The following CRYL1 variants were observed in gnomAD, a reference collection of about 807,000 sequenced individuals.
CRYL1 encodes the protein lambda-crystallin homolog.
Under a neutral mutation model 36.6 loss-of-function variants are expected in CRYL1, and 29 were observed. The ratio of observed to expected loss-of-function variants is 0.79; its 90% CI spans 0.59 to 1.08. The LOEUF (loss-of-function observed/expected upper bound fraction) is 1.08, where lower values mean the gene tolerates loss of function less well. CRYL1 is among the 50% of genes least tolerant of loss of function. CRYL1 has a pLI of 0.00. For synonymous variants in CRYL1, 152 were observed against 151.5 expected (o/e 1.00, Z -0.02); for missense variants, 411 against 407.9 (o/e 1.01, Z -0.06).
rs193069002 is a variant in CRYL1 at position 20,462,345 on chromosome 13, A to G, written c.277-22591T>C. On this transcript the variant is annotated intron_variant, in intron 3 of 7. Coordinates refer to ENST00000298248, the MANE Select transcript of CRYL1 (RefSeq NM_015974.3). ...ACTCATACAATAAAAGCAATAACCA[A>G]ATCTGTTGCCTGAAAACAGAAACAA... 7.2e-4 allele frequency among the ~76,000 whole-genome samples: 109 copies of G among 151,634 alleles called. 1 individual carries two copies. The highest frequency in any genetic ancestry group is 3.4e-3 in the Middle Eastern group (1 of 294).
In CRYL1 at chr13:20,415,464, G is replaced by A. The variant is rs985041452; in HGVS notation, c.634-2077C>T. On this transcript the variant is annotated intron_variant, in intron 5 of 7. Transcript: ENST00000298248. The surrounding 1 kb of genome is among the most constrained non-coding windows in gnomAD (Gnocchi z 4.1). The stretch of plus-strand genomic sequence containing the variant: ...ACCGCCCTGCGTCTGCAGAGAGCGC[G>A]GCGGTGAAGCGGGAGCAGGCGGCCT... 1.3e-5 allele frequency among the ~76,000 whole-genome samples: 2 copies of A among 152,178 alleles called. No homozygotes were observed. The highest frequency in any genetic ancestry group is 4.8e-5 in the African/African-American group (2 of 41,458).
chr13:20,525,737 G>C lies in CRYL1; in HGVS notation c.41+17C>G. 1 of 1,345,638 alleles carries C rather than the reference G, an allele frequency of 7.4e-7. No homozygotes were observed. Among genetic ancestry groups the C allele is most frequent in the African/African-American group, 1.5e-5 (1 of 66,250 alleles). 83.4% of individuals were successfully genotyped at this position (1,345,638 alleles called of 1,614,324 possible). A position where few individuals can be genotyped will look rare whatever the true frequency, so the allele number is the denominator to read the frequency against. Reference sequence around the variant, plus strand: ...CCCCGGGCTCCAGGGGCAGCAGCGCGGCTCGGAGCCCTTTACCTGCCAACG... The same window carrying C: ...CCCCGGGCTCCAGGGGCAGCAGCGCCGCTCGGAGCCCTTTACCTGCCAACG... On this transcript the variant is annotated intron_variant, in intron 1 of 7. Coordinates refer to ENST00000298248, the MANE Select transcript of CRYL1 (RefSeq NM_015974.3). This position sits in a 1 kb window ranked among gnomAD's most constrained non-coding sequence, Gnocchi z 4.3.
intron 4 of CRYL1, among the ~76,000 whole-genome samples, chr13:20,438,583 A>G (rs894429615): frequency 1.3e-5 from 2 of 152,078 alleles, no homozygotes; most frequent in Non-Finnish European, 2.9e-5. Flanking sequence ...GCCTCCCACA[A>G]TTCTGCACAC....
chr13:20,457,022 G>A (rs1265770622), intron 3 of CRYL1, among the ~76,000 whole-genome samples: 1 of 152,134 alleles, frequency 6.6e-6, no homozygotes, highest in African/African-American at 2.4e-5. Context: ...CAGGATATGA[G>A]TGCACTGGCA....
intron 6 of CRYL1, among the ~76,000 whole-genome samples, chr13:20,407,641 GC>G (rs1353236183): frequency 3.9e-5 from 6 of 152,012 alleles, no homozygotes; most frequent in African/African-American, 1.5e-4. Context: ...GTGCTTCCAT[GC>G]CCTCTGTCCC....
At chr13:20,428,383 T>C (rs1258053757) in intron 5 of CRYL1, among the ~76,000 whole-genome samples, 1 of 152,198 alleles carries the variant, frequency 6.6e-6, no homozygotes, top group Non-Finnish European at 1.5e-5. Flanking sequence ...GTCCCAAGCA[T>C]TGGGCTTCTC....
At chr13:20,469,582 G>A (rs1195665071) in intron 3 of CRYL1, among the ~76,000 whole-genome samples, 1 of 152,206 alleles carries the variant, frequency 6.6e-6, no homozygotes, top group Non-Finnish European at 1.5e-5. Flanking sequence ...TAACTCAGTG[G>A]CTGGGACTTT....
chr13:20,451,110 AACG>A (rs1308616257), intron 3 of CRYL1, among the ~76,000 whole-genome samples: 2 of 151,922 alleles, frequency 1.3e-5, no homozygotes, highest in East Asian at 3.9e-4. Context: ...ACCTAATGTA[AACG>A]ACGAGTTAAT....
At chr13:20,482,745 G>C (rs143322760) in intron 3 of CRYL1, among the ~76,000 whole-genome samples, 2 of 152,158 alleles carry the variant, frequency 1.3e-5, no homozygotes, top group Admixed American at 1.3e-4. Flanking sequence ...CAGTCTGTGT[G>C]TGTGTGTGTG....
intron 1 of CRYL1, among the ~76,000 whole-genome samples, chr13:20,517,659 G>A (rs1008413378): frequency 1.1e-4 from 16 of 152,030 alleles, no homozygotes; most frequent in African/African-American, 1.4e-4. Flanking sequence ...GTTAGTGGCC[G>A]GGCGCAGTGG....
intron 3 of CRYL1, among the ~76,000 whole-genome samples, chr13:20,470,535 G>T (rs962347462): frequency 6.6e-6 from 1 of 152,190 alleles, no homozygotes; most frequent in Non-Finnish European, 1.5e-5. Flanking sequence ...AGAACAGAAA[G>T]GAAGGGGAAG....
At chr13:20,451,691 TA>T (rs1433938298) in intron 3 of CRYL1, among the ~76,000 whole-genome samples, 7 of 152,198 alleles carry the variant, frequency 4.6e-5, no homozygotes, top group Non-Finnish European at 8.8e-5. Flanking sequence ...GGTAGGAAAG[TA>T]AATCAGTTCA....
At chr13:20,516,190 C>CA (rs35780379) in intron 1 of CRYL1, among the ~76,000 whole-genome samples, 55,857 of 73,450 alleles carry the variant, frequency 0.76, 21,511 homozygotes, top group East Asian at 0.94. Context: ...AACTCCATCT[C>CA]AAAAAAAAAA....
Position 20,439,676 on chromosome 13 carries a change from A to G in CRYL1, c.355T>C (p.Leu119=), listed in dbSNP as rs2032312288. 1 of 1,614,028 alleles carries G rather than the reference A, an allele frequency of 6.2e-7. No individual in the cohort carries two copies. Residue 119 remains leucine, a synonymous_variant, in exon 4 of 8, where the codon TTA becomes CTA. Transcript: ENST00000298248. ...LDSIIDDRVI[L]SSSTSCLMPS... is the part of the protein sequence containing the mutation. ...ATGAGACAAGAAGTGGAACTGCTTA[A>G]GATCACTCGATCATCAATGATGGAA...
At chr13:20,416,100 C>T (rs73441777) in intron 5 of CRYL1, among the ~76,000 whole-genome samples, 2,525 of 151,820 alleles carry the variant, frequency 0.017, 63 homozygotes, top group African/African-American at 0.056. Context: ...AGAAGAGGTC[C>T]CGTCGCGCCT....
At chr13:20,475,647 G>A (rs1050069028) in intron 3 of CRYL1, among the ~76,000 whole-genome samples, 1 of 152,160 alleles carries the variant, frequency 6.6e-6, no homozygotes, top group Non-Finnish European at 1.5e-5. Context: ...CCCATTAGCT[G>A]CGGGTCATAG....
At chr13:20,487,033 A>G (rs1436273455) in intron 3 of CRYL1, among the ~76,000 whole-genome samples, 1 of 152,182 alleles carries the variant, frequency 6.6e-6, no homozygotes, top group Non-Finnish European at 1.5e-5. Context: ...ACCACTTTAT[A>G]AAAAACAATA....
chr13:20,460,018 T>C (rs992904852), intron 3 of CRYL1, among the ~76,000 whole-genome samples: 1 of 152,162 alleles, frequency 6.6e-6, no homozygotes, highest in African/African-American at 2.4e-5. Flanking sequence ...CATATACAAA[T>C]GATTTGGAAT....
chr13:20,509,526 A>G (rs957301246), intron 2 of CRYL1, among the ~76,000 whole-genome samples: 4 of 152,116 alleles, frequency 2.6e-5, no homozygotes, highest in Admixed American at 6.5e-5. Flanking sequence ...CTTTAATCAA[A>G]AATGTTTTTA....
Sources: allele counts gnomAD v4.1 joint callset (sites outside exome capture counted in the v4.1 genomes callset), GRCh38; gene constraint gnomAD v4.1.1; non-coding constraint Gnocchi (gnomAD v3.1); transcripts MANE v1.5; gene names NCBI Gene and HGNC (gene_info 2026-07-23, HGNC 2026-07-21).